Variants in ENKUR observed in about 807,000 individuals in gnomAD.
ENKUR encodes enkurin, TRPC channel interacting protein.
ENKUR carries 19 observed loss-of-function variants against 27.6 expected under a neutral mutation model. The observed-to-expected ratio is 0.69, with a 90% CI of 0.48 to 1.01. The LOEUF (loss-of-function observed/expected upper bound fraction) is 1.01, where lower values mean the gene tolerates loss of function less well. Among genes scored for constraint, ENKUR ranks in the 50% least tolerant of loss-of-function variants. ENKUR has a pLI of 0.00. For synonymous variants in ENKUR, 117 were observed against 96.9 expected (o/e 1.21, Z -1.22); for missense variants, 312 against 310.5 (o/e 1.00, Z -0.04).
chr10:25,037,156 G>A (rs925375421), intron 2 of ENKUR, among the ~76,000 whole-genome samples: 6 of 152,154 alleles, frequency 3.9e-5, no homozygotes, highest in Non-Finnish European at 8.8e-5. Context: ...ATCCATGAGT[G>A]TACACTTTTC....
At chr10:24,997,212 G>A (rs1177744694) in intron 2 of ENKUR, among the ~76,000 whole-genome samples, 1 of 151,900 alleles carries the variant, frequency 6.6e-6, no homozygotes, top group South Asian at 2.1e-4. Flanking sequence ...GTGCAACATA[G>A]ACCCTATCTC....
chr10:25,018,276 A>G (rs1175464482), upstream of ENKUR, among the ~76,000 whole-genome samples: 4 of 152,188 alleles, frequency 2.6e-5, no homozygotes, highest in Non-Finnish European at 4.4e-5. Context: ...TTTAAGCAAA[A>G]TTATTTCTAG....
chr10:25,061,941 G>C (rs1851333518), intron 1 of ENKUR, among the ~76,000 whole-genome samples: 1 of 152,172 alleles, frequency 6.6e-6, no homozygotes, highest in African/African-American at 2.4e-5. Flanking sequence ...ATATGTATTT[G>C]CTGAGTCAGA....
chr10:24,985,985 C>A (rs1380882687), intron 4 of ENKUR, among the ~76,000 whole-genome samples: 1 of 152,102 alleles, frequency 6.6e-6, no homozygotes, highest in Non-Finnish European at 1.5e-5. Context: ...GGAGGATCAC[C>A]TGAGCTCAGG....
At chr10:25,035,500 A>G (rs1220895926) in intron 2 of ENKUR, among the ~76,000 whole-genome samples, 3 of 151,976 alleles carry the variant, frequency 2.0e-5, no homozygotes, top group Non-Finnish European at 4.4e-5. Flanking sequence ...GGTTGCAGTG[A>G]GCTGAGATTG....
At chr10:25,012,902 A>G (rs1266800332) in intron 1 of ENKUR, among the ~76,000 whole-genome samples, 1 of 152,188 alleles carries the variant, frequency 6.6e-6, no homozygotes, top group Non-Finnish European at 1.5e-5. Flanking sequence ...GTTTGGCTGC[A>G]TCCCCACGCA....
intron 3 of ENKUR, among the ~76,000 whole-genome samples, chr10:24,992,416 T>C (rs1411822480): frequency 6.6e-6 from 1 of 152,190 alleles, no homozygotes; most frequent in African/African-American, 2.4e-5. Context: ...CTGACAAATA[T>C]TCTGTTCTCC....
upstream of ENKUR, among the ~76,000 whole-genome samples, chr10:25,020,343 G>A (rs114194063): frequency 4.5e-4 from 68 of 151,798 alleles, no homozygotes; most frequent in African/African-American, 1.6e-3. Flanking sequence ...AGGGTAGAGG[G>A]GAACTAACAT....
intron 2 of ENKUR, among the ~76,000 whole-genome samples, chr10:25,050,426 A>G (rs561579179): frequency 6.6e-6 from 1 of 152,314 alleles, no homozygotes; most frequent in African/African-American, 2.4e-5. Context: ...AGGAGGAGCA[A>G]AGTCACGTCT....
chr10:25,003,631 T>A (rs564855265), intron 1 of ENKUR, among the ~76,000 whole-genome samples: 10 of 152,182 alleles, frequency 6.6e-5, no homozygotes, highest in Non-Finnish European at 1.2e-4. Context: ...TTCTGAATGG[T>A]GTGGTTTTAT....
upstream of ENKUR, among the ~76,000 whole-genome samples, chr10:25,019,642 A>T (rs936548210): frequency 6.6e-6 from 1 of 152,216 alleles, no homozygotes; most frequent in Non-Finnish European, 1.5e-5. Flanking sequence ...CAAATACTAC[A>T]CCATTTTATA....
At chr10:25,042,192 AT>A (rs1171454565) in intron 2 of ENKUR, among the ~76,000 whole-genome samples, 1 of 151,832 alleles carries the variant, frequency 6.6e-6, no homozygotes, top group African/African-American at 2.4e-5. Flanking sequence ...TTTTATGTAC[AT>A]TTATAGGGAG....
chr10:25,018,146 A>G (rs767831603), upstream of ENKUR, among the ~76,000 whole-genome samples: 11 of 152,350 alleles, frequency 7.2e-5, no homozygotes, highest in African/African-American at 2.4e-4. Flanking sequence ...AATTTGTGCA[A>G]GACCTCACTG....
intron 2 of ENKUR, among the ~76,000 whole-genome samples, chr10:25,051,168 T>C (rs929181961): frequency 6.6e-6 from 1 of 152,260 alleles, no homozygotes; most frequent in African/African-American, 2.4e-5. Context: ...AAAGGATGAA[T>C]GATTTAAGGG....
At chr10:25,009,194 A>G (rs1228086326) in intron 1 of ENKUR, among the ~76,000 whole-genome samples, 1 of 152,172 alleles carries the variant, frequency 6.6e-6, no homozygotes, top group African/African-American at 2.4e-5. Flanking sequence ...AACATGGCAC[A>G]TGTATACATA....
intron 2 of ENKUR, among the ~76,000 whole-genome samples, chr10:25,036,687 G>T (rs1851012203): frequency 6.6e-6 from 1 of 152,118 alleles, no homozygotes; most frequent in Non-Finnish European, 1.5e-5. Flanking sequence ...TACCCTCTTT[G>T]AAAGGTATTT....
At chr10:25,028,232 A>C (rs994798779) in intron 2 of ENKUR, among the ~76,000 whole-genome samples, 43 of 152,202 alleles carry the variant, frequency 2.8e-4, no homozygotes, top group African/African-American at 9.4e-4. Flanking sequence ...TAGTTATTTC[A>C]TGTCTTCACT....
At position 25,028,533 on chromosome 10, in the gene ENKUR, G is replaced by A. The variant is rs114516679; in HGVS notation, c.37+32579C>T. Among the ~76,000 whole-genome samples the A allele has an allele frequency of 1.9e-3, 290 of 152,212 alleles. 3 individuals are homozygous for A. Among genetic ancestry groups the A allele is most frequent in the African/African-American group, 6.6e-3 (275 of 41,542 alleles). On this transcript the variant is annotated intron_variant, in intron 2 of 5. Transcript: ENST00000615958. ...TTGTTTCTTCAACTTCTCCCCTTCTGTGTAACCTTTCTTCTTATGGTATTT... is the reference window on the plus strand; with the variant it reads ...TTGTTTCTTCAACTTCTCCCCTTCTATGTAACCTTTCTTCTTATGGTATTT...
At chr10:25,010,404 T>G (rs1177930124) in intron 1 of ENKUR, among the ~76,000 whole-genome samples, 1 of 152,140 alleles carries the variant, frequency 6.6e-6, no homozygotes, top group African/African-American at 2.4e-5. Context: ...TTCAGTTTTA[T>G]GTATTCACAA....
Sources: gnomAD v4.1 joint callset for allele counts (sites outside exome capture counted in the v4.1 genomes callset) on GRCh38, gnomAD v4.1.1 for gene constraint, MANE v1.5 for transcripts, NCBI Gene and HGNC (gene_info 2026-07-23, HGNC 2026-07-21) for gene names.